The following CREBBP variants were observed in gnomAD, a reference collection of about 807,000 sequenced individuals.
CREBBP encodes CREB binding lysine acetyltransferase.
A neutral mutation model predicts 265.0 loss-of-function variants in CREBBP; 19 were observed. That is an observed-to-expected ratio of 0.07 (90% confidence interval 0.05 to 0.11). The LOEUF (loss-of-function observed/expected upper bound fraction) is 0.11. Among genes scored for constraint, CREBBP ranks in the 10% least tolerant of loss-of-function variants. The pLI is 1.00. For synonymous variants in CREBBP, 1,457 were observed against 1,223.7 expected (o/e 1.19, Z -3.98); for missense variants, 2,525 against 3,219.0 (o/e 0.78, Z 5.22).
At chr16:3,845,166 T>C (rs1205284146) in intron 2 of CREBBP, among the ~76,000 whole-genome samples, 2 of 152,230 alleles carry the variant, frequency 1.3e-5, no homozygotes, top group African/African-American at 2.4e-5. Context: ...CTACACACTA[T>C]ACGAATGTTT....
chr16:3,746,648 C>A (rs988871928), intron 21 of CREBBP, among the ~76,000 whole-genome samples: 1 of 152,134 alleles, frequency 6.6e-6, no homozygotes, highest in Non-Finnish European at 1.5e-5. Context: ...AAGGAGTGTC[C>A]CCCAAAACTA....
intron 1 of CREBBP, among the ~76,000 whole-genome samples, chr16:3,851,533 C>G (rs1019556407): frequency 6.6e-6 from 1 of 152,044 alleles, no homozygotes; most frequent in Non-Finnish European, 1.5e-5. Context: ...TCCAAATTCA[C>G]TGAATTATAA....
Position 3,769,265 on chromosome 16 carries a change from G to A in CREBBP, c.2969C>T (p.Pro990Leu), listed in dbSNP as rs2052939281. The change falls in exon 15 of 31, where the codon CCT (proline) becomes CTT (leucine). Residue 990 changes from proline to leucine, a missense_variant. Pro to Leu is a moderately conservative substitution (Grantham distance 98, BLOSUM62 -3). Coordinates refer to ENST00000262367, the MANE Select transcript of CREBBP (RefSeq NM_004380.3). Reference protein sequence around the residue: ...SAETNSQQPGPDVPVLEMKTE... With the variant: ...SAETNSQQPGLDVPVLEMKTE... ...CTTCATTTCCAGCACAGGTACGTCA[G>A]GTCCTGGCTGCTGGGAATTGGTTTC... is the stretch of plus-strand genomic sequence containing the variant. The A allele has an allele frequency of 6.2e-7, 1 of 1,614,082 alleles. No homozygotes were observed. The highest frequency in any genetic ancestry group is 8.5e-7 in the Non-Finnish European group (1 of 1,180,044).
At chr16:3,775,351 G>C (rs1301268930) in intron 11 of CREBBP, among the ~76,000 whole-genome samples, 2 of 152,242 alleles carry the variant, frequency 1.3e-5, no homozygotes, top group African/African-American at 4.8e-5. Flanking sequence ...TTCACAGCCA[G>C]TAAGTGTCTC....
chr16:3,805,703 A>G (rs1246596593), intron 3 of CREBBP, among the ~76,000 whole-genome samples: 6 of 152,216 alleles, frequency 3.9e-5, no homozygotes, highest in Non-Finnish European at 7.4e-5. Context: ...AGCCTTCTGA[A>G]GTACTAAAGT....
At chr16:3,859,186 ATTTTTAT>A (rs2055022547) in intron 1 of CREBBP, among the ~76,000 whole-genome samples, 1 of 151,872 alleles carries the variant, frequency 6.6e-6, no homozygotes, top group African/African-American at 2.4e-5. Context: ...CCAAAATAGA[ATTTTTAT>A]TTTTTATTTT....
At chr16:3,787,065 C>T (rs561971260) in intron 5 of CREBBP, among the ~76,000 whole-genome samples, 47 of 135,362 alleles carry the variant, frequency 3.5e-4, no homozygotes, top group Non-Finnish European at 6.3e-4. Context: ...AGTGAGACTT[C>T]GTCTCAAAAA....
At chr16:3,772,613 T>G (rs1257725443) in intron 13 of CREBBP, among the ~76,000 whole-genome samples, 1 of 152,132 alleles carries the variant, frequency 6.6e-6, no homozygotes, top group Non-Finnish European at 1.5e-5. Context: ...AAACCAAGAT[T>G]GAATGGCCTG....
rs748236897 is a variant in CREBBP, at chr16:3,777,667, C to CAAAACA, written c.2114-16_2114-11dup. ...AGGGACAGGGGTCCATCTATGGTGG[C>CAAAACA]AAAACAAAAACAAAAACAAAACCAC... On this transcript the variant is annotated splice_polypyrimidine_tract_variant and intron_variant, in intron 10 of 30. Transcript: ENST00000262367. 2 of 1,613,616 alleles carry CAAAACA rather than the reference C, an allele frequency of 1.2e-6. No homozygotes were observed. Among genetic ancestry groups the CAAAACA allele is most frequent in the East Asian group, 2.2e-5 (1 of 44,866 alleles).
intron 1 of CREBBP, among the ~76,000 whole-genome samples, chr16:3,871,199 TCACACACACACA>T (rs1037838119): frequency 0.064 from 3,169 of 49,718 alleles, 41 homozygotes; most frequent in Middle Eastern, 0.12. Context: ...TCTCTCTCAC[TCACACACACACA>T]CACACACACA....
At chr16:3,793,980 G>A (rs2053555845) in intron 3 of CREBBP, among the ~76,000 whole-genome samples, 1 of 152,128 alleles carries the variant, frequency 6.6e-6, no homozygotes, top group African/African-American at 2.4e-5. Flanking sequence ...GTTTCTGTAG[G>A]TCCCAAATGG....
chr16:3,782,457 C>CA (rs1390148728), intron 6 of CREBBP, among the ~76,000 whole-genome samples: 2 of 152,230 alleles, frequency 1.3e-5, no homozygotes, highest in African/African-American at 4.8e-5. Context: ...ACAGAAGTGG[C>CA]ACAGCAAGCA....
intron 2 of CREBBP, among the ~76,000 whole-genome samples, chr16:3,833,630 T>C (rs1490926976): frequency 6.6e-6 from 1 of 152,212 alleles, no homozygotes; most frequent in Non-Finnish European, 1.5e-5. Context: ...GAAACATTTA[T>C]TATACTTCTC....
At chr16:3,845,097 A>C (rs1157457312) in intron 2 of CREBBP, among the ~76,000 whole-genome samples, 1 of 152,206 alleles carries the variant, frequency 6.6e-6, no homozygotes, top group Admixed American at 6.5e-5. Context: ...AAAAAGTCCT[A>C]AATTTATCTA....
chr16:3,835,128 C>T lies in CREBBP; in HGVS notation c.798+15169G>A, dbSNP rs550183384. Among the ~76,000 whole-genome samples the T allele has an allele frequency of 4.6e-5, 7 of 152,034 alleles. No individual in the cohort carries two copies. In the South Asian group the frequency reaches 6.2e-4, roughly 14 times the overall value. On this transcript the variant is annotated intron_variant, in intron 2 of 30. Transcript: ENST00000262367. ...GAGCCGAGACCACGCCACTGCACTC[C>T]GGCCTGGGCAAAAGAGCGAGACTCC...
chr16:3,859,059 AT>A (rs201630274), intron 1 of CREBBP, among the ~76,000 whole-genome samples: 80 of 149,808 alleles, frequency 5.3e-4, no homozygotes, highest in African/African-American at 1.8e-3. Flanking sequence ...CTTTCTTTAG[AT>A]TTTTTTTTCA....
At chr16:3,806,383 A>T (rs1479802511) in intron 3 of CREBBP, among the ~76,000 whole-genome samples, 1 of 152,248 alleles carries the variant, frequency 6.6e-6, no homozygotes, top group African/African-American at 2.4e-5. Context: ...GAGCAATTTT[A>T]AATAAGCAGC....
At chr16:3,757,134 A>G (rs1342559211) in intron 19 of CREBBP, among the ~76,000 whole-genome samples, 154 bp downstream of exon 19, 1 of 152,152 alleles carries the variant, frequency 6.6e-6, no homozygotes, top group African/African-American at 2.4e-5. Flanking sequence ...TCAGCCTCCC[A>G]AAGTGCTGGG....
chr16:3,825,985 C>T (rs1439179985), intron 2 of CREBBP, among the ~76,000 whole-genome samples: 1 of 152,180 alleles, frequency 6.6e-6, no homozygotes, highest in Non-Finnish European at 1.5e-5. Flanking sequence ...ACTTTGGGAG[C>T]CTGAGGCAGG....
Sources: gnomAD v4.1 joint callset for allele counts (sites outside exome capture counted in the v4.1 genomes callset) on GRCh38, gnomAD v4.1.1 for gene constraint, MANE v1.5 for transcripts, NCBI Gene and HGNC (gene_info 2026-07-23, HGNC 2026-07-21) for gene names.